Variants in SSH2 observed in about 807,000 individuals in gnomAD.
SSH2 encodes the protein protein phosphatase Slingshot homolog 2.
In SSH2, 37 loss-of-function variants were observed where a neutral mutation model predicts 135.2. The ratio of observed to expected loss-of-function variants is 0.27; its 90% CI spans 0.21 to 0.36. The LOEUF (loss-of-function observed/expected upper bound fraction) is 0.36, where lower values mean the gene tolerates loss of function less well. Ranked by LOEUF, SSH2 falls within the 10% of genes least tolerant of loss-of-function variation. SSH2 has a pLI of 1.00. For synonymous variants in SSH2, 628 were observed against 646.2 expected (o/e 0.97, Z 0.43); for missense variants, 1,408 against 1,765.3 (o/e 0.80, Z 3.63).
chr17:29,678,042 T>A (rs2037802768), intron 6 of SSH2, among the ~76,000 whole-genome samples: 1 of 152,176 alleles, frequency 6.6e-6, no homozygotes, highest in Non-Finnish European at 1.5e-5. Flanking sequence ...GCTGCTGACT[T>A]GCATTTGGCA....
At chr17:29,797,651 C>T (rs928332775) in intron 2 of SSH2, among the ~76,000 whole-genome samples, 1 of 152,122 alleles carries the variant, frequency 6.6e-6, no homozygotes, top group Non-Finnish European at 1.5e-5. Context: ...CATCCCAGCA[C>T]TTTGGGAGGC....
intron 9 of SSH2, among the ~76,000 whole-genome samples, chr17:29,670,490 CT>C (rs1032963292): frequency 3.9e-5 from 6 of 152,142 alleles, no homozygotes; most frequent in African/African-American, 1.4e-4. Flanking sequence ...GAAAGTTCAC[CT>C]TTTCTAGTAA....
At chr17:29,681,197 T>C (rs1191380224) in intron 6 of SSH2, among the ~76,000 whole-genome samples, 13 of 151,464 alleles carry the variant, frequency 8.6e-5, no homozygotes. Flanking sequence ...TAGCTGGGCA[T>C]GGTGGTGTGC....
intron 2 of SSH2, among the ~76,000 whole-genome samples, chr17:29,847,170 G>A (rs571790979): frequency 5.9e-5 from 9 of 152,204 alleles, no homozygotes; most frequent in African/African-American, 2.2e-4. Context: ...TTCCAAGAGC[G>A]GCCCAGTCTC....
Position 29,811,787 on chromosome 17 carries a change from G to A in SSH2, c.145-17850C>T, listed in dbSNP as rs200049392. 1.4e-4 allele frequency among the ~76,000 whole-genome samples: 21 copies of A among 152,162 alleles called. 1 individual carries two copies. The East Asian group carries it at 2.1e-3, about 15-fold the overall frequency. On this transcript the variant is annotated intron_variant, in intron 2 of 15. Coordinates refer to ENST00000540801, the MANE Select transcript of SSH2 (RefSeq NM_001282129.2). ...TCACTATGTTGTCTAGGCTGGTCTT[G>A]AACTCCTAGGCTCAAGTAATTTGCC...
intron 11 of SSH2, among the ~76,000 whole-genome samples, chr17:29,658,442 T>TA (rs2036882170): frequency 6.6e-6 from 1 of 152,134 alleles, no homozygotes; most frequent in Non-Finnish European, 1.5e-5. Flanking sequence ...GCCTCCTGAG[T>TA]ACCTGGGACT....
chr17:29,715,955 T>C (rs1363203771), intron 3 of SSH2, among the ~76,000 whole-genome samples: 2 of 152,202 alleles, frequency 1.3e-5, no homozygotes, highest in African/African-American at 4.8e-5. Flanking sequence ...CAAAGTCCCA[T>C]TGCAACTTCT....
At chr17:29,845,194 C>T (rs1568010131) in intron 2 of SSH2, among the ~76,000 whole-genome samples, 2 of 152,202 alleles carry the variant, frequency 1.3e-5, no homozygotes, top group African/African-American at 4.8e-5. Context: ...TACTCTTCTT[C>T]TTTACATCAG....
At chr17:29,775,217 T>G (rs1598978128) in intron 3 of SSH2, among the ~76,000 whole-genome samples, 1 of 151,758 alleles carries the variant, frequency 6.6e-6, no homozygotes, top group East Asian at 1.9e-4. Context: ...GGATGAAAAA[T>G]GAAGAATGCA....
chr17:29,702,973 C>G lies in SSH2; in HGVS notation c.278G>C (p.Arg93Pro). The change falls in exon 4 of 16, where the codon CGG becomes CCG. Residue 93 changes from arginine (R) to proline (P), a missense_variant. By Grantham distance (103) the Arg-to-Pro change is moderately radical. Transcript: ENST00000540801. Reference sequence around the variant, plus strand: ...GCAAGCATTACCTGCATGCTTGTTCCGTCTGTGGCTGATTCTTGGTGTGGA... The same window carrying G: ...GCAAGCATTACCTGCATGCTTGTTCGGTCTGTGGCTGATTCTTGGTGTGGA... ...GSSTPRISHR[R>P]NKHAGDLQQH... The G allele has an allele frequency of 6.2e-7, 1 of 1,612,950 alleles. No homozygotes were observed. Among genetic ancestry groups the G allele is most frequent in the Non-Finnish European group, 8.5e-7 (1 of 1,179,076 alleles).
chr17:29,701,338 C>T (rs1289743838), intron 4 of SSH2, among the ~76,000 whole-genome samples: 1 of 151,600 alleles, frequency 6.6e-6, no homozygotes, highest in Admixed American at 6.6e-5. Context: ...AACTCCTGAC[C>T]TCAGGTGATC....
chr17:29,816,648 A>G (rs2151335656), intron 2 of SSH2, among the ~76,000 whole-genome samples: 1 of 152,226 alleles, frequency 6.6e-6, no homozygotes, highest in African/African-American at 2.4e-5. Context: ...CATGTCACTT[A>G]ACTTTATTGG....
At chr17:29,857,013 A>G (rs965776606) in intron 1 of SSH2, among the ~76,000 whole-genome samples, 1 of 152,142 alleles carries the variant, frequency 6.6e-6, no homozygotes, top group Non-Finnish European at 1.5e-5. Flanking sequence ...CAGCCAAACC[A>G]TATCATTCCA....
chr17:29,713,877 C>A (rs1169513740), intron 3 of SSH2, among the ~76,000 whole-genome samples: 1 of 152,102 alleles, frequency 6.6e-6, no homozygotes, highest in South Asian at 2.1e-4. Flanking sequence ...CACCCCCAAA[C>A]AAAAACCTAG....
chr17:29,903,764 G>T (rs1250702368), intron 1 of SSH2, among the ~76,000 whole-genome samples: 1 of 152,130 alleles, frequency 6.6e-6, no homozygotes, highest in Non-Finnish European at 1.5e-5. Context: ...ACCAAATATG[G>T]ATACAAGTTA....
At chr17:29,717,165 C>CA (rs1302680803) in intron 3 of SSH2, among the ~76,000 whole-genome samples, 1 of 152,156 alleles carries the variant, frequency 6.6e-6, no homozygotes, top group African/African-American at 2.4e-5. Flanking sequence ...AGCAGGGTCT[C>CA]ACTCTGTTCA....
At chr17:29,821,744 A>G (rs1272254312) in intron 2 of SSH2, among the ~76,000 whole-genome samples, 3 of 151,700 alleles carry the variant, frequency 2.0e-5, no homozygotes, top group Non-Finnish European at 4.4e-5. Flanking sequence ...CCCGGGTTCA[A>G]GTGATTCTCC....
chr17:29,829,936 T>A (rs1239234359), intron 2 of SSH2, among the ~76,000 whole-genome samples: 1 of 150,842 alleles, frequency 6.6e-6, no homozygotes, highest in Non-Finnish European at 1.5e-5. Context: ...GCCTCCTAGG[T>A]TCATGCCATT....
intron 3 of SSH2, among the ~76,000 whole-genome samples, chr17:29,788,461 T>G (rs759784475): frequency 1.3e-5 from 2 of 152,208 alleles, no homozygotes; most frequent in African/African-American, 2.4e-5. Context: ...CCTTTGGACT[T>G]GGACTGGAAC....
Sources: allele counts gnomAD v4.1 joint callset (sites outside exome capture counted in the v4.1 genomes callset), GRCh38; gene constraint gnomAD v4.1.1; transcripts MANE v1.5; gene names NCBI Gene and HGNC (gene_info 2026-07-23, HGNC 2026-07-21).